Variants in LTAP1 observed in about 807,000 individuals in gnomAD.
LTAP1 encodes HCV NS5A-transactivated protein 4.
chr1:154,213,848 T>A, the LTAP1 span: 1 of 1,535,700 alleles, frequency 6.5e-7, no homozygotes, highest in Non-Finnish European at 9.0e-7. Flanking sequence ...GTTCCCTAGG[T>A]GGGCTTTCAG....
chr1:154,207,337 G>T, the LTAP1 span: 165 of 908,916 alleles, frequency 1.8e-4, no homozygotes, highest in African/African-American at 1.6e-3. Flanking sequence ...ACGGGAACTT[G>T]GATGGATACA....
the LTAP1 span, chr1:154,206,788 G>C: frequency 6.4e-6 from 1 of 156,110 alleles, no homozygotes; most frequent in Non-Finnish European, 1.4e-5. Flanking sequence ...GGCTTGTTAG[G>C]GGAAACCATT....
the LTAP1 span, chr1:154,212,505 T>C: frequency 3.1e-6 from 5 of 1,614,148 alleles, no homozygotes; most frequent in Non-Finnish European, 4.2e-6. Flanking sequence ...AGGGTATCAA[T>C]GAGTGCTTTG....
the LTAP1 span, among the ~76,000 whole-genome samples, chr1:154,210,555 G>GC: frequency 6.6e-6 from 1 of 152,138 alleles, no homozygotes; most frequent in Non-Finnish European, 1.5e-5. Flanking sequence ...TTGGCTCACT[G>GC]CAACCTCCAC....
chr1:154,209,255 T>C, the LTAP1 span, among the ~76,000 whole-genome samples: 1 of 151,974 alleles, frequency 6.6e-6, no homozygotes. Context: ...GCAACCATCA[T>C]TCTACTTTCT....
the LTAP1 span, among the ~76,000 whole-genome samples, chr1:154,217,252 T>A: frequency 6.6e-6 from 1 of 152,114 alleles, no homozygotes; most frequent in Non-Finnish European, 1.5e-5. Context: ...CCCAGCAAAA[T>A]TTTTCAAATA....
the LTAP1 span, among the ~76,000 whole-genome samples, chr1:154,218,552 C>T: frequency 6.6e-6 from 1 of 152,208 alleles, no homozygotes; most frequent in Non-Finnish European, 1.5e-5. Flanking sequence ...AGGTTAATAG[C>T]ACTTGTTAAT....
At chr1:154,211,238 T>G in the LTAP1 span, among the ~76,000 whole-genome samples, 1 of 150,574 alleles carries the variant, frequency 6.6e-6, no homozygotes, top group Non-Finnish European at 1.5e-5. Context: ...CTCCTGACCT[T>G]GTGATCCACC....
chr1:154,220,042 G>T, the LTAP1 span: 1 of 1,070,184 alleles, frequency 9.3e-7, no homozygotes, highest in Non-Finnish European at 1.3e-6. Flanking sequence ...CCGGCTCTCA[G>T]GAATGTTTCA....
the LTAP1 span, among the ~76,000 whole-genome samples, chr1:154,217,815 A>G: frequency 6.6e-6 from 1 of 152,100 alleles, no homozygotes; most frequent in African/African-American, 2.4e-5. Flanking sequence ...CGGCCCACTC[A>G]GCATGTTTTT....
chr1:154,207,347 A>G, the LTAP1 span: 30 of 1,013,554 alleles, frequency 3.0e-5, no homozygotes, highest in Non-Finnish European at 4.4e-5. Context: ...GGATGGATAC[A>G]GTCTGGGCCT....
the LTAP1 span, chr1:154,219,746 AT>A: frequency 1.0e-6 from 1 of 953,666 alleles, no homozygotes; most frequent in Non-Finnish European, 1.6e-6. Context: ...AAACATGAGA[AT>A]TAAAGTCATC....
At chr1:154,209,305 AATC>A in the LTAP1 span, among the ~76,000 whole-genome samples, 1,074 of 151,980 alleles carry the variant, frequency 7.1e-3, 6 homozygotes, top group African/African-American at 0.025. Flanking sequence ...ATATAACTGG[AATC>A]ATCTAGTATT....
At chr1:154,219,912 A>C in the LTAP1 span, 2 of 1,613,464 alleles carry the variant, frequency 1.2e-6, no homozygotes, top group Non-Finnish European at 1.7e-6. Flanking sequence ...TTGCCTCTTC[A>C]CAAAAATAAA....
chr1:154,214,484 G>C, the LTAP1 span: 2 of 1,613,450 alleles, frequency 1.2e-6, no homozygotes, highest in Non-Finnish European at 8.5e-7. Flanking sequence ...TCCAGTTGTA[G>C]TAGTCTAGCA....
At chr1:154,217,627 G>C in the LTAP1 span, among the ~76,000 whole-genome samples, 1 of 152,028 alleles carries the variant, frequency 6.6e-6, no homozygotes, top group Non-Finnish European at 1.5e-5. Flanking sequence ...CTGCCACCTG[G>C]GTTCAAGGGA....
the LTAP1 span, among the ~76,000 whole-genome samples, chr1:154,217,657 C>T: frequency 6.6e-5 from 10 of 151,880 alleles, no homozygotes; most frequent in Non-Finnish European, 1.2e-4. Context: ...CTCAGCGTCC[C>T]GAGTAGTTAG....
the LTAP1 span, chr1:154,212,151 C>T: frequency 1.3e-6 from 1 of 759,974 alleles, no homozygotes; most frequent in Non-Finnish European, 2.2e-6. Flanking sequence ...ACCACTGTGC[C>T]CGGCCGCATC....
At chr1:154,218,014 G>C in the LTAP1 span, among the ~76,000 whole-genome samples, 1 of 152,088 alleles carries the variant, frequency 6.6e-6, no homozygotes, top group African/African-American at 2.4e-5. Flanking sequence ...ACTGCAGTCT[G>C]TAACTCCTGG....
Sources: gnomAD v4.1 joint callset for allele counts (sites outside exome capture counted in the v4.1 genomes callset) on GRCh38, gnomAD v4.1.1 for gene constraint, MANE v1.5 for transcripts, NCBI Gene and HGNC (gene_info 2026-07-23, HGNC 2026-07-21) for gene names.